Variants in PITPNM3 observed in about 807,000 individuals in gnomAD.
PITPNM3 encodes the protein membrane-associated phosphatidylinositol transfer protein 3.
In PITPNM3, 26 loss-of-function variants were observed where a neutral mutation model predicts 102.0. That is an observed-to-expected ratio of 0.25 (90% CI 0.19 to 0.35). The LOEUF (loss-of-function observed/expected upper bound fraction) is 0.35. PITPNM3 is among the 10% of genes least tolerant of loss of function. The pLI, the probability that PITPNM3 is intolerant of heterozygous loss-of-function variation, is 1.00. For missense variants in PITPNM3, 1,083 were observed against 1,346.1 expected (o/e 0.80, Z 3.06); for synonymous variants, 578 against 558.6 (o/e 1.03, Z -0.49).
In PITPNM3 at chr17:6,472,719, G is replaced by A; in HGVS notation, c.1367C>T (p.Pro456Leu). The part of the protein sequence containing the change: ...PLLEPKFHLV[P>L]PVSVPRYQRF... ...CTGGTAGCGAGGCACGCTGACAGGC[G>A]GCACCAGGTGGAACTTGGGCTCCAG... is the stretch of plus-strand genomic sequence containing the variant. Residue 456 changes from proline (P) to leucine (L), a missense_variant, in exon 11 of 20, where the codon CCG (proline) becomes CTG (leucine). By Grantham distance (98) the Pro-to-Leu change is moderately conservative. Coordinates refer to ENST00000262483, the MANE Select transcript of PITPNM3 (RefSeq NM_031220.4). This position sits in a 1 kb window ranked among gnomAD's most constrained non-coding sequence, Gnocchi z 4.1. 2 of 1,614,048 alleles carry A rather than the reference G, an allele frequency of 1.2e-6. No individual in the cohort carries two copies. The highest frequency in any genetic ancestry group is 1.7e-6 in the Non-Finnish European group (2 of 1,179,990).
rs138044217 is a variant in PITPNM3, at chr17:6,537,336, G to A, written c.118+651C>T. On this transcript the variant is annotated intron_variant, in intron 2 of 19. Coordinates refer to ENST00000262483, the MANE Select transcript of PITPNM3 (RefSeq NM_031220.4). This position sits in a 1 kb window ranked among gnomAD's most constrained non-coding sequence, Gnocchi z 4.4. ...CGGCTCACTGCAACCTCTGCCTCCC[G>A]GGTCCAAGCGATTCTCCCGCCTCAG... is the stretch of plus-strand genomic sequence containing the variant. Among the ~76,000 whole-genome samples, 925 of 147,198 alleles carry A rather than the reference G, an allele frequency of 6.3e-3. 11 individuals carry two copies. The highest frequency in any genetic ancestry group is 0.022 in the African/African-American group (854 of 39,246).
intron 4 of PITPNM3, among the ~76,000 whole-genome samples, chr17:6,491,446 A>G (rs963734994): frequency 6.6e-6 from 1 of 152,164 alleles, no homozygotes; most frequent in Admixed American, 6.5e-5. Context: ...AAACTTTTTT[A>G]AAAACAGGGG....
intron 6 of PITPNM3, 45 bp downstream of exon 6, chr17:6,483,472 C>T: frequency 6.4e-7 from 1 of 1,562,736 alleles, no homozygotes; most frequent in Non-Finnish European, 8.7e-7. Context: ...CCACTTAGTT[C>T]CCCCACCAAC....
At position 6,472,536 on chromosome 17, in the gene PITPNM3, C is replaced by G. The variant is rs1567665147; in HGVS notation, c.1429+121G>C. 7.4e-7 allele frequency: 1 copy of G among 1,344,936 alleles called. No individual in the cohort carries two copies. Among genetic ancestry groups the G allele is most frequent in the African/African-American group, 1.5e-5 (1 of 68,532 alleles). The allele number at this position is 1,344,936 out of a possible 1,614,324, so 83.3% of individuals were successfully genotyped here. A position where few individuals can be genotyped will look rare whatever the true frequency, so the allele number is the denominator to read the frequency against. ...TCTGAAGACAGAGGAGTCGGCTAACCTTCTGTTCTCACAGCCCCTGCTCAG... is the reference window on the plus strand; with the variant it reads ...TCTGAAGACAGAGGAGTCGGCTAACGTTCTGTTCTCACAGCCCCTGCTCAG... On this transcript the variant is annotated intron_variant, in intron 11 of 19. Transcript: ENST00000262483. The surrounding 1 kb of genome is among the most constrained non-coding windows in gnomAD (Gnocchi z 4.1).
At chr17:6,471,664 G>A (rs992487308) in intron 11 of PITPNM3, among the ~76,000 whole-genome samples, 1 of 152,200 alleles carries the variant, frequency 6.6e-6, no homozygotes, top group Non-Finnish European at 1.5e-5. Flanking sequence ...GGAGCCTCTG[G>A]GACGTTGCCC....
intron 3 of PITPNM3, among the ~76,000 whole-genome samples, chr17:6,513,298 T>C (rs1907976622): frequency 6.6e-6 from 1 of 152,166 alleles, no homozygotes; most frequent in Admixed American, 6.5e-5. Flanking sequence ...TTGGAGACTC[T>C]AGTTAAGGAA....
At chr17:6,466,044 C>CA (rs1904749400) in intron 14 of PITPNM3, among the ~76,000 whole-genome samples, 2 of 152,214 alleles carry the variant, frequency 1.3e-5, no homozygotes, top group African/African-American at 4.8e-5. Context: ...CTTAGCTTTC[C>CA]AAGGCTTGCC....
chr17:6,555,576 C>G (rs894629938), intron 1 of PITPNM3, among the ~76,000 whole-genome samples: 10 of 152,208 alleles, frequency 6.6e-5, no homozygotes, highest in African/African-American at 2.4e-4. Flanking sequence ...CCATCGGGCC[C>G]AGAATGTGCC....
chr17:6,499,488 G>T (rs114957688), intron 4 of PITPNM3, among the ~76,000 whole-genome samples: 3,112 of 152,276 alleles, frequency 0.02, 115 homozygotes, highest in African/African-American at 0.07. Flanking sequence ...TGAGGCAGCC[G>T]CAGGACCAGT....
At chr17:6,508,140 G>A (rs1907653016) in intron 3 of PITPNM3, among the ~76,000 whole-genome samples, 1 of 152,172 alleles carries the variant, frequency 6.6e-6, no homozygotes, top group South Asian at 2.1e-4. Flanking sequence ...AAGAGGCCAG[G>A]AGGTGAGTGT....
intron 6 of PITPNM3, among the ~76,000 whole-genome samples, chr17:6,482,441 A>C (rs1360932786): frequency 6.6e-6 from 1 of 151,826 alleles, no homozygotes; most frequent in Non-Finnish European, 1.5e-5. Context: ...CCCATACCTC[A>C]CCTTATGCAT....
At position 6,537,325 on chromosome 17, in the gene PITPNM3, C is replaced by T. The variant is rs1167282733; in HGVS notation, c.118+662G>A. ...CAGTGCCATCTCGGCTCACTGCAAC[C>T]TCTGCCTCCCGGGTCCAAGCGATTC... On this transcript the variant is annotated intron_variant, in intron 2 of 19. Transcript: ENST00000262483. This position sits in a 1 kb window ranked among gnomAD's most constrained non-coding sequence, Gnocchi z 4.4. Among the ~76,000 whole-genome samples, 1 of 150,800 alleles carries T rather than the reference C, an allele frequency of 6.6e-6. No individual in the cohort carries two copies. Among genetic ancestry groups the T allele is most frequent in the East Asian group, 1.9e-4 (1 of 5,130 alleles).
chr17:6,533,292 A>G (rs920286193), intron 2 of PITPNM3, among the ~76,000 whole-genome samples: 3 of 152,130 alleles, frequency 2.0e-5, no homozygotes, highest in Non-Finnish European at 4.4e-5. Context: ...AGCCATTCTA[A>G]TAAGTAGGTA....
chr17:6,517,182 CAAG>C lies in PITPNM3; in HGVS notation c.226+8171_226+8173del, dbSNP rs935135448. Among the ~76,000 whole-genome samples the C allele has an allele frequency of 7.2e-5, 11 of 152,238 alleles. No homozygotes were observed. Among genetic ancestry groups the C allele is most frequent in the Admixed American group, 5.2e-4 (8 of 15,286 alleles). Reference sequence around the variant, plus strand: ...TTCTAGTGAAAAGAGAAAGTAAATCCAAGAAGAAGTCAGGAAATTGAGGAAGTA... The same window carrying C: ...TTCTAGTGAAAAGAGAAAGTAAATCCAAGAAGTCAGGAAATTGAGGAAGTA... On this transcript the variant is annotated intron_variant, in intron 3 of 19. Transcript: ENST00000262483. This position sits in a 1 kb window ranked among gnomAD's most constrained non-coding sequence, Gnocchi z 4.1.
intron 2 of PITPNM3, among the ~76,000 whole-genome samples, chr17:6,530,483 G>T (rs1290406932): frequency 6.6e-6 from 1 of 152,198 alleles, no homozygotes; most frequent in Non-Finnish European, 1.5e-5. Flanking sequence ...TTGGGGAGTG[G>T]GGGAGGGGAG....
intron 4 of PITPNM3, among the ~76,000 whole-genome samples, chr17:6,502,287 T>A (rs71370448): frequency 0.22 from 32,912 of 152,120 alleles, 3,682 homozygotes; most frequent in South Asian, 0.31. Context: ...ACCCCATCTC[T>A]ACCAAAAACA....
At position 6,477,165 on chromosome 17, in the gene PITPNM3, G is replaced by T. The variant is rs952574166; in HGVS notation, c.949C>A (p.Arg317Ser). The change falls in exon 9 of 20, where the codon CGT (arginine) becomes AGT (serine). Residue 317 changes from arginine (R) to serine (S), a missense_variant. By Grantham distance (110) the Arg-to-Ser change is moderately radical (BLOSUM62 -1). Transcript: ENST00000262483. ...ATGTCAATGTTGCTTTTGCTGAGAC[G>T]CTTGCTGCTGGCCAGGCTGCAATCT... is the stretch of plus-strand genomic sequence containing the variant. Reference protein sequence around the residue: ...EEDCSLASSKRLSKSNIDISS... With the variant: ...EEDCSLASSKSLSKSNIDISS... 4 of 1,614,044 alleles carry T rather than the reference G, an allele frequency of 2.5e-6. No individual in the cohort carries two copies. The highest frequency in any genetic ancestry group is 3.4e-6 in the Non-Finnish European group (4 of 1,180,046).
chr17:6,546,927 A>C (rs1910049858), intron 1 of PITPNM3, among the ~76,000 whole-genome samples: 1 of 152,060 alleles, frequency 6.6e-6, no homozygotes, highest in Non-Finnish European at 1.5e-5. Flanking sequence ...GAACTGCTTG[A>C]ACCCGGGAGG....
chr17:6,522,279 A>AGT (rs751850784), intron 3 of PITPNM3, among the ~76,000 whole-genome samples: 77 of 91,938 alleles, frequency 8.4e-4, no homozygotes, highest in Middle Eastern at 6.4e-3. Flanking sequence ...AGGTATATTT[A>AGT]GTGTGCGCAC....
Sources: allele counts gnomAD v4.1 joint callset (sites outside exome capture counted in the v4.1 genomes callset), GRCh38; gene constraint gnomAD v4.1.1; non-coding constraint Gnocchi (gnomAD v3.1); transcripts MANE v1.5; gene names NCBI Gene and HGNC (gene_info 2026-07-23, HGNC 2026-07-21).